JAKMIP2: variants seen among roughly 807,000 people sequenced by gnomAD.
JAKMIP2 encodes janus kinase and microtubule-interacting protein 2.
JAKMIP2 carries 25 observed loss-of-function variants against 115.0 expected under a neutral mutation model. That is an observed-to-expected ratio of 0.22 (90% CI 0.16 to 0.30). JAKMIP2 has a LOEUF of 0.30. Ranked by LOEUF, JAKMIP2 falls within the 10% of genes least tolerant of loss-of-function variation. The pLI is 1.00. For synonymous variants in JAKMIP2, 334 were observed against 343.6 expected (o/e 0.97, Z 0.31); for missense variants, 642 against 957.6 (o/e 0.67, Z 4.35).
At chr5:147,614,534 C>T (rs528331272) in intron 19 of JAKMIP2, among the ~76,000 whole-genome samples, 18 of 152,308 alleles carry the variant, frequency 1.2e-4, no homozygotes, top group African/African-American at 4.3e-4. Context: ...CATTGTCTTC[C>T]CTTGTCAGGG....
At chr5:147,661,656 T>C in intron 2 of JAKMIP2, 1 of 546,836 alleles carries the variant, frequency 1.8e-6, no homozygotes, top group Non-Finnish European at 3.2e-6. Context: ...TATATTACTT[T>C]GTTCAGATGA....
chr5:147,653,987 T>A (rs919725871), intron 3 of JAKMIP2, among the ~76,000 whole-genome samples: 1 of 152,208 alleles, frequency 6.6e-6, no homozygotes, highest in South Asian at 2.1e-4. Flanking sequence ...TCATTGCTTG[T>A]TTTTGTCAGG....
rs368715297 is a variant in JAKMIP2 at position 147,639,941 on chromosome 5, T to A, written c.1402-181A>T. Among the ~76,000 whole-genome samples the A allele has an allele frequency of 4.6e-4, 70 of 152,234 alleles. No homozygotes were observed. The highest frequency in any genetic ancestry group is 1.6e-4 in the Non-Finnish European group (11 of 68,038). ...CACAAATACTGTAATACTTTCAAGA[T>A]GGACACTGCAGAAATACATAAATAT... On this transcript the variant is annotated intron_variant, in intron 9 of 21. Coordinates refer to ENST00000616793, the MANE Select transcript of JAKMIP2 (RefSeq NM_001270941.2).
intron 1 of JAKMIP2, among the ~76,000 whole-genome samples, chr5:147,700,796 T>A (rs1192217613): frequency 6.6e-6 from 1 of 152,216 alleles, no homozygotes; most frequent in Non-Finnish European, 1.5e-5. Context: ...CCCCTAAACT[T>A]GCTTTCTTTT....
At chr5:147,769,884 C>T (rs1052618564) in intron 1 of JAKMIP2, among the ~76,000 whole-genome samples, 1 of 151,964 alleles carries the variant, frequency 6.6e-6, no homozygotes, top group Non-Finnish European at 1.5e-5. Flanking sequence ...ATGATTTAAA[C>T]ATTTTGATAT....
intron 1 of JAKMIP2, among the ~76,000 whole-genome samples, chr5:147,712,321 T>A (rs1049195524): frequency 1.3e-5 from 2 of 152,226 alleles, no homozygotes; most frequent in African/African-American, 2.4e-5. Context: ...TTCTTTTTTG[T>A]AACGAAGCAG....
At chr5:147,693,486 T>C (rs547650699) in intron 1 of JAKMIP2, among the ~76,000 whole-genome samples, 1 of 152,264 alleles carries the variant, frequency 6.6e-6, no homozygotes, top group South Asian at 2.1e-4. Context: ...TCACTTTCCC[T>C]TTTCATCTTT....
intron 1 of JAKMIP2, among the ~76,000 whole-genome samples, chr5:147,675,138 A>G (rs972521640): frequency 1.3e-5 from 2 of 152,226 alleles, no homozygotes; most frequent in Non-Finnish European, 2.9e-5. Context: ...TTACATCTTA[A>G]TTTATAATTC....
chr5:147,604,826 T>C (rs1755908860), intron 20 of JAKMIP2, among the ~76,000 whole-genome samples: 1 of 148,984 alleles, frequency 6.7e-6, no homozygotes, highest in Non-Finnish European at 1.5e-5. Context: ...TTATTATTAT[T>C]ATTATTATTA....
intron 3 of JAKMIP2, among the ~76,000 whole-genome samples, chr5:147,659,506 G>T (rs946552949): frequency 2.6e-5 from 4 of 152,150 alleles, no homozygotes; most frequent in Non-Finnish European, 5.9e-5. Flanking sequence ...CCTTCACGTT[G>T]TTATTAAAAG....
intron 19 of JAKMIP2, among the ~76,000 whole-genome samples, chr5:147,615,588 A>C (rs1756529153): frequency 6.6e-6 from 1 of 152,152 alleles, no homozygotes; most frequent in African/African-American, 2.4e-5. Context: ...ATGAGGAAAA[A>C]TGAGAAGAAT....
chr5:147,696,465 C>A (rs546486428), intron 1 of JAKMIP2, among the ~76,000 whole-genome samples: 1 of 152,138 alleles, frequency 6.6e-6, no homozygotes, highest in East Asian at 1.9e-4. Flanking sequence ...TTTTAAGATT[C>A]CTGAGGCCTC....
intron 21 of JAKMIP2, among the ~76,000 whole-genome samples, chr5:147,597,331 A>C (rs539040342): frequency 1.3e-5 from 2 of 152,352 alleles, no homozygotes; most frequent in African/African-American, 4.8e-5. Flanking sequence ...TAGAACAATA[A>C]CATAGTATTA....
chr5:147,623,657 G>A lies in JAKMIP2; in HGVS notation c.2028C>T (p.Ala676=), dbSNP rs905946784. The change falls in exon 17 of 22, where the codon GCC becomes GCT. Residue 676 remains alanine, a synonymous_variant. Transcript: ENST00000616793. ...WIQQIEGAEA[A]LHQKMMELES... is the part of the protein sequence containing the mutation. ...CCAATTCCATCATTTTCTGGTGTAGGGCAGCCTCAGCTCCTTCAATCTGCT... is the reference window on the plus strand; with the variant it reads ...CCAATTCCATCATTTTCTGGTGTAGAGCAGCCTCAGCTCCTTCAATCTGCT... The A allele has an allele frequency of 6.2e-7, 1 of 1,611,830 alleles. No individual in the cohort carries two copies. Among genetic ancestry groups the A allele is most frequent in the Non-Finnish European group, 8.5e-7 (1 of 1,178,074 alleles).
intron 9 of JAKMIP2, among the ~76,000 whole-genome samples, chr5:147,640,451 A>C (rs998417916): frequency 2.6e-5 from 4 of 152,326 alleles, no homozygotes; most frequent in South Asian, 4.1e-4. Context: ...AATATTGGAA[A>C]GTAACTTTTA....
At chr5:147,733,649 G>A (rs1240425820) in intron 1 of JAKMIP2, among the ~76,000 whole-genome samples, 1 of 151,930 alleles carries the variant, frequency 6.6e-6, no homozygotes, top group Non-Finnish European at 1.5e-5. Flanking sequence ...GGTGCGTGAT[G>A]TCCCCCTCCC....
At chr5:147,629,667 CT>C (rs778572823) in intron 15 of JAKMIP2, 25 bp downstream of exon 15, 1 of 1,579,220 alleles carries the variant, frequency 6.3e-7, no homozygotes, top group South Asian at 1.1e-5. Flanking sequence ...AAATTCATAT[CT>C]ATACTAAATC....
rs1445064237 is a variant in JAKMIP2 at position 147,620,659 on chromosome 5, T to C, written c.2142+7A>G. On this transcript the variant is annotated splice_region_variant and intron_variant, in intron 18 of 21. Coordinates refer to ENST00000616793, the MANE Select transcript of JAKMIP2 (RefSeq NM_001270941.2). ...CTGCGGGTGTCTCTATCACTTGTTG[T>C]ACCTACCATATATGCTTGGTCAAGA... The C allele has an allele frequency of 2.0e-5, 32 of 1,601,322 alleles. No homozygotes were observed. The highest frequency in any genetic ancestry group is 2.7e-5 in the Non-Finnish European group (32 of 1,168,626).
rs1754856093 is a variant in JAKMIP2, at chr5:147,586,029, G to T, written c.*5678C>A. The T allele has an allele frequency of 6.6e-6, 1 of 151,792 alleles. No homozygotes were observed. The highest frequency in any genetic ancestry group is 2.1e-4 in the South Asian group (1 of 4,814). The allele number at this position is 151,792 out of a possible 1,614,324, so 9.4% of individuals were successfully genotyped here. A position where few individuals can be genotyped will look rare whatever the true frequency, so the allele number is the denominator to read the frequency against. ...AAAAAAACCTATTTGCTGGTTTATG[G>T]GCCTGGATAATTGAAAAACCGAGTG... is the stretch of plus-strand genomic sequence containing the variant. On this transcript the variant is annotated 3_prime_UTR_variant, in exon 22 of 22. Transcript: ENST00000616793.
Sources: allele counts gnomAD v4.1 joint callset (sites outside exome capture counted in the v4.1 genomes callset), GRCh38; gene constraint gnomAD v4.1.1; transcripts MANE v1.5; gene names NCBI Gene and HGNC (gene_info 2026-07-23, HGNC 2026-07-21).